The following C10orf67 variants were observed in gnomAD, a reference collection of about 807,000 sequenced individuals.
C10orf67 encodes chromosome 10 open reading frame 67.
In C10orf67, 60 loss-of-function variants were observed where a neutral mutation model predicts 35.6. The ratio of observed to expected loss-of-function variants is 1.68; its 90% CI spans 1.37 to 2.09. C10orf67 has a LOEUF of 2.09. Ranked by LOEUF, C10orf67 falls within the 30% of genes most tolerant of loss-of-function variation. C10orf67 has a pLI of 0.00. For synonymous variants in C10orf67, 167 were observed against 115.8 expected, an observed-to-expected ratio of 1.44 and a Z score of -2.84; for missense variants, 474 against 330.2, an observed-to-expected ratio of 1.44 and a Z score of -3.38.
chr10:23,341,987 C>T (rs920592622), intron 1 of C10orf67, among the ~76,000 whole-genome samples: 1 of 152,040 alleles, frequency 6.6e-6, no homozygotes, highest in Non-Finnish European at 1.5e-5. Context: ...GCCTGGGCAA[C>T]ACAGCAAGAC....
At chr10:23,245,745 A>G (rs1246943835) in intron 12 of C10orf67, among the ~76,000 whole-genome samples, 1 of 152,182 alleles carries the variant, frequency 6.6e-6, no homozygotes, top group Non-Finnish European at 1.5e-5. Flanking sequence ...ACCCTTGCAC[A>G]CTGTTGATGG....
intron 10 of C10orf67, among the ~76,000 whole-genome samples, chr10:23,264,394 A>T (rs1311367184): frequency 6.6e-6 from 1 of 152,156 alleles, no homozygotes; most frequent in Admixed American, 6.5e-5. Flanking sequence ...CCCCCGGTCC[A>T]ATTTTGACTT....
chr10:23,296,940 G>A (rs929512251), intron 5 of C10orf67, among the ~76,000 whole-genome samples: 4 of 152,202 alleles, frequency 2.6e-5, no homozygotes, highest in African/African-American at 4.8e-5. Flanking sequence ...GCCACCTGAT[G>A]GGTGCTATTA....
chr10:23,344,579 C>A lies in C10orf67; in HGVS notation c.196G>T (p.Gly66Trp), dbSNP rs746601507. The A allele has an allele frequency of 3.8e-6, 6 of 1,576,024 alleles. No homozygotes were observed. The South Asian group carries it at 5.8e-5, about 15-fold the overall frequency. ...AREFKPPQMRGSTRLNISDDL... is the reference protein window; with the variant it reads ...AREFKPPQMRWSTRLNISDDL... ...CGGAGCTCAGCCTACCTCGTGGACCCGCGCATTTGCGGGGGCTTGAATTCC... is the reference window on the plus strand; with the variant it reads ...CGGAGCTCAGCCTACCTCGTGGACCAGCGCATTTGCGGGGGCTTGAATTCC... The change falls in exon 1 of 16, where the codon GGG becomes TGG. Residue 66 changes from glycine (G) to tryptophan (W), a missense_variant. By Grantham distance (184) the Gly-to-Trp change is radical (BLOSUM62 -2). Coordinates refer to ENST00000636213, the MANE Select transcript of C10orf67 (RefSeq NM_001371909.1).
At chr10:23,334,688 A>G (rs947071075) in intron 1 of C10orf67, among the ~76,000 whole-genome samples, 13 of 152,074 alleles carry the variant, frequency 8.5e-5, no homozygotes, top group Non-Finnish European at 1.5e-4. Context: ...CGGGTGTAGA[A>G]CCCAGGTCTG....
At chr10:23,305,222 T>A (rs1844231550) in intron 4 of C10orf67, among the ~76,000 whole-genome samples, 1 of 152,184 alleles carries the variant, frequency 6.6e-6, no homozygotes, top group Admixed American at 6.5e-5. Flanking sequence ...GATCTGCAAA[T>A]CATTTGATAA....
intron 12 of C10orf67, among the ~76,000 whole-genome samples, chr10:23,247,584 T>A (rs1256810031): frequency 6.6e-6 from 1 of 152,172 alleles, no homozygotes; most frequent in Non-Finnish European, 1.5e-5. Flanking sequence ...CACATGACTG[T>A]CATTTATATA....
chr10:23,274,023 A>T (rs1183432590), intron 8 of C10orf67, among the ~76,000 whole-genome samples: 1 of 152,172 alleles, frequency 6.6e-6, no homozygotes, highest in East Asian at 1.9e-4. Context: ...CTCCGGAGGT[A>T]TCATCACATA....
intron 5 of C10orf67, among the ~76,000 whole-genome samples, chr10:23,297,918 C>T (rs769615776): frequency 3.3e-5 from 5 of 152,178 alleles, no homozygotes; most frequent in African/African-American, 4.8e-5. Context: ...ATTTTAACTG[C>T]TTCAGATACT....
chr10:23,296,305 G>A (rs747219119), intron 5 of C10orf67, among the ~76,000 whole-genome samples: 21 of 152,090 alleles, frequency 1.4e-4, no homozygotes, highest in Non-Finnish European at 2.6e-4. Flanking sequence ...TTTATATCCC[G>A]ATCATTGTCC....
chr10:23,233,121 C>T (rs1282876509), intron 13 of C10orf67, among the ~76,000 whole-genome samples: 1 of 152,142 alleles, frequency 6.6e-6, no homozygotes, highest in Admixed American at 6.5e-5. Context: ...CATGTTACTG[C>T]ACTCCAGTCT....
intron 10 of C10orf67, among the ~76,000 whole-genome samples, chr10:23,254,659 TATATC>T (rs1162437213): frequency 3.9e-5 from 6 of 152,330 alleles, no homozygotes; most frequent in Middle Eastern, 3.4e-3. Flanking sequence ...TTTAAGCACT[TATATC>T]ATATTTTTAA....
At position 23,211,015 on chromosome 10, in the gene C10orf67, T is replaced by C. The variant is rs558786098; in HGVS notation, c.1571-6760A>G. The stretch of plus-strand genomic sequence containing the variant: ...ATGTAATGCCAATGAAGTTATTAAA[T>C]TGTTACCTTGTATTTGCTTGCTAGA... On this transcript the variant is annotated intron_variant, in intron 15 of 15. Coordinates refer to ENST00000636213, the MANE Select transcript of C10orf67 (RefSeq NM_001371909.1). 1.2e-3 allele frequency among the ~76,000 whole-genome samples: 185 copies of C among 152,336 alleles called. 2 individuals are homozygous for C. Among genetic ancestry groups the C allele is most frequent in the African/African-American group, 4.4e-3 (181 of 41,572 alleles).
At chr10:23,256,918 C>T (rs1842617234) in intron 10 of C10orf67, among the ~76,000 whole-genome samples, 1 of 152,160 alleles carries the variant, frequency 6.6e-6, no homozygotes. Flanking sequence ...GTGGTTGATG[C>T]TGTGAAGAAG....
At chr10:23,244,723 T>G (rs1842272418) in intron 12 of C10orf67, among the ~76,000 whole-genome samples, 1 of 152,186 alleles carries the variant, frequency 6.6e-6, no homozygotes, top group Non-Finnish European at 1.5e-5. Flanking sequence ...TAAAACGATA[T>G]CTTGTATTCA....
intron 8 of C10orf67, among the ~76,000 whole-genome samples, chr10:23,277,892 G>C (rs540513423): frequency 6.6e-6 from 1 of 152,242 alleles, no homozygotes; most frequent in Admixed American, 6.5e-5. Flanking sequence ...GGAAGCACAG[G>C]GGCTTCTGCT....
At chr10:23,263,105 T>A (rs1337390985) in intron 10 of C10orf67, among the ~76,000 whole-genome samples, 1 of 152,204 alleles carries the variant, frequency 6.6e-6, no homozygotes, top group African/African-American at 2.4e-5. Flanking sequence ...TGCCTAGCGC[T>A]GCCGGATAAA....
At chr10:23,245,984 A>T (rs374691205) in intron 12 of C10orf67, among the ~76,000 whole-genome samples, 1 of 151,570 alleles carries the variant, frequency 6.6e-6, no homozygotes, top group African/African-American at 2.4e-5. Flanking sequence ...GGATAAAAAA[A>T]TACGGTACAC....
intron 5 of C10orf67, among the ~76,000 whole-genome samples, chr10:23,292,842 A>C (rs756757661): frequency 6.6e-6 from 1 of 152,162 alleles, no homozygotes; most frequent in Non-Finnish European, 1.5e-5. Flanking sequence ...AAATTATTTG[A>C]GCCCAATTCA....
Sources: gnomAD v4.1 joint callset for allele counts (sites outside exome capture counted in the v4.1 genomes callset) on GRCh38, gnomAD v4.1.1 for gene constraint, MANE v1.5 for transcripts, NCBI Gene and HGNC (gene_info 2026-07-23, HGNC 2026-07-21) for gene names.